The following CASP4 variants were observed in gnomAD, a reference collection of about 807,000 sequenced individuals.
CASP4 encodes caspase 4, also known as caspase-4.
Under a neutral mutation model 41.3 loss-of-function variants are expected in CASP4, and 29 were observed. The observed-to-expected ratio is 0.70, with a 90% CI of 0.52 to 0.96. The LOEUF (loss-of-function observed/expected upper bound fraction) is 0.96, where lower values mean the gene tolerates loss of function less well. Among genes scored for constraint, CASP4 ranks in the 40% least tolerant of loss-of-function variants. CASP4 has a pLI of 0.00. For missense variants in CASP4, 447 were observed against 460.6 expected (o/e 0.97, Z 0.27); for synonymous variants, 185 against 158.4 (o/e 1.17, Z -1.26).
chr11:104,962,521 G>A (rs1860884235), intron 1 of CASP4, among the ~76,000 whole-genome samples: 1 of 152,164 alleles, frequency 6.6e-6, no homozygotes, highest in East Asian at 1.9e-4. Context: ...CATGGGTTTA[G>A]GACCCCTATA....
Position 104,944,797 on chromosome 11 carries a change from G to A in CASP4, c.1090C>T (p.Arg364Ter), listed in dbSNP as rs1219592466. Reference protein sequence around the residue: ...RAKAQMPTIERLSMTRYFYLF... With the variant: ...RAKAQMPTIE The stretch of plus-strand genomic sequence containing the variant: ...TAGAAATATCTTGTCATGGACAGTC[G>A]TTCTATGGTGGGCATTTGAGCTTTG... Residue 364 changes from arginine (R) to a stop codon, truncating the protein, a stop_gained, in exon 8 of 9, where the codon CGA (arginine) becomes TGA (stop). Coordinates refer to ENST00000444739, the MANE Select transcript of CASP4 (RefSeq NM_001225.4). LOFTEE classifies it high-confidence loss of function. The A allele has an allele frequency of 4.2e-5, 68 of 1,613,370 alleles. No individual in the cohort carries two copies. Among genetic ancestry groups the A allele is most frequent in the Non-Finnish European group, 5.3e-5 (63 of 1,179,560 alleles).
intron 1 of CASP4, among the ~76,000 whole-genome samples, chr11:104,960,534 A>C (rs1446410779): frequency 6.6e-6 from 1 of 152,084 alleles, no homozygotes; most frequent in African/African-American, 2.4e-5. Context: ...CAGTGGTGCT[A>C]TCTTGGCTCA....
At chr11:104,946,561 C>T (rs1190134503) in intron 7 of CASP4, 1 of 152,152 alleles carries the variant, frequency 6.6e-6, no homozygotes, top group Admixed American at 6.5e-5. Flanking sequence ...TTTCCTTCTG[C>T]ACTTTTTTAT....
intron 1 of CASP4, among the ~76,000 whole-genome samples, chr11:104,961,410 G>A (rs1860855796): frequency 6.6e-6 from 1 of 152,120 alleles, no homozygotes; most frequent in African/African-American, 2.4e-5. Context: ...CCATTGCAGG[G>A]TGTTAGGATT....
intron 2 of CASP4, 37 bp from the exon 3 acceptor site, chr11:104,952,042 C>T: frequency 8.0e-7 from 1 of 1,250,818 alleles, no homozygotes; most frequent in Non-Finnish European, 1.2e-6. Flanking sequence ...GTGATTTCTG[C>T]CTCTGTGACC....
At position 104,954,832 on chromosome 11, in the gene CASP4, G is replaced by C; in HGVS notation, c.177C>G (p.Asp59Glu). 6.2e-7 allele frequency: 1 copy of C among 1,613,808 alleles called. No individual in the cohort carries two copies. Among genetic ancestry groups the C allele is most frequent in the Non-Finnish European group, 8.5e-7 (1 of 1,179,780 alleles). Reference sequence around the variant, plus strand: ...CCATACGTTGCTTCTCTTGCATAGAGTCTGCCATGACCCGAACTTTGTCTT... The same window carrying C: ...CCATACGTTGCTTCTCTTGCATAGACTCTGCCATGACCCGAACTTTGTCTT... ...KTEDKVRVMA[D>E]SMQEKQRMAG... Residue 59 changes from aspartate (D) to glutamate (E), a missense_variant, in exon 2 of 9, where the codon GAC becomes GAG. Asp to Glu is a conservative substitution (Grantham distance 45, BLOSUM62 2). Coordinates refer to ENST00000444739, the MANE Select transcript of CASP4 (RefSeq NM_001225.4).
Position 104,951,992 on chromosome 11 carries a change from CATAT to C in CASP4, c.272_275del (p.Asn91ArgfsTer24). The C allele has an allele frequency of 6.2e-7, 1 of 1,609,072 alleles. No individual in the cohort carries two copies. Among genetic ancestry groups the C allele is most frequent in the Non-Finnish European group, 8.5e-7 (1 of 1,176,140 alleles). ...CTCCTGACTCAGGTGGTCCAGCCTC[CATAT>C]TCGGATGAGCTGCAGGATATTGCAG... is the stretch of plus-strand genomic sequence containing the variant. On this transcript the variant is annotated frameshift_variant, in exon 3 of 9. Coordinates refer to ENST00000444739, the MANE Select transcript of CASP4 (RefSeq NM_001225.4). LOFTEE classifies it high-confidence loss of function.
At chr11:104,961,668 A>G (rs2134656345) in intron 1 of CASP4, among the ~76,000 whole-genome samples, 1 of 152,276 alleles carries the variant, frequency 6.6e-6, no homozygotes, top group South Asian at 2.1e-4. Flanking sequence ...CAGACAGAGA[A>G]TAGGAGGATA....
At chr11:104,950,904 T>C in intron 4 of CASP4, 21 bp downstream of exon 4, 1 of 1,606,442 alleles carries the variant, frequency 6.2e-7, no homozygotes, top group East Asian at 2.2e-5. Flanking sequence ...TATGTGTTTG[T>C]GGCGGCTGAG....
intron 1 of CASP4, among the ~76,000 whole-genome samples, chr11:104,968,304 A>C (rs1861019402): frequency 6.6e-6 from 1 of 152,202 alleles, no homozygotes; most frequent in Non-Finnish European, 1.5e-5. Flanking sequence ...GAAAGGAATT[A>C]ACTTCTTTCT....
intron 7 of CASP4, among the ~76,000 whole-genome samples, chr11:104,946,027 G>GT (rs1860450491): frequency 6.6e-6 from 1 of 151,808 alleles, no homozygotes; most frequent in Non-Finnish European, 1.5e-5. Context: ...TGTATTTTTT[G>GT]TAGAGATGGG....
At position 104,942,982 on chromosome 11, in the gene CASP4, G is replaced by T; in HGVS notation, c.*6-9C>A. Reference sequence around the variant, plus strand: ...GGGCTGCTTGTGGCTTCCTGCAGGGGAGAGAAAAAACAGAAGGTCAAGATG... The same window carrying T: ...GGGCTGCTTGTGGCTTCCTGCAGGGTAGAGAAAAAACAGAAGGTCAAGATG... On this transcript the variant is annotated splice_polypyrimidine_tract_variant and intron_variant, in intron 8 of 8. Coordinates refer to ENST00000444739, the MANE Select transcript of CASP4 (RefSeq NM_001225.4). 2.2e-6 allele frequency: 1 copy of T among 454,808 alleles called. No homozygotes were observed. The highest frequency in any genetic ancestry group is 1.6e-5 in the South Asian group (1 of 64,488). The allele number at this position is 454,808 out of a possible 1,614,324, so 28.2% of individuals were successfully genotyped here.
intron 7 of CASP4, 30 bp downstream of exon 7, chr11:104,947,049 GAAAT>G (rs1160976298): frequency 2.2e-6 from 3 of 1,384,296 alleles, no homozygotes; most frequent in South Asian, 2.4e-5. Flanking sequence ...TCTTCCTGAA[GAAAT>G]AAATGAGTAA....
intron 4 of CASP4, 93 bp downstream of exon 4, chr11:104,950,829 GGTT>G: frequency 1.8e-6 from 1 of 552,390 alleles, no homozygotes; most frequent in Non-Finnish European, 2.9e-6. Context: ...CACACCCAAA[GGTT>G]GTTAAACCTT....
chr11:104,954,566 T>C (rs1860689236), intron 2 of CASP4, among the ~76,000 whole-genome samples, 181 bp downstream of exon 2: 3 of 152,142 alleles, frequency 2.0e-5, no homozygotes, highest in Admixed American at 1.3e-4. Context: ...TTTTAGCTGA[T>C]TGTAAACTGG....
At chr11:104,952,725 T>C (rs1411061420) in intron 2 of CASP4, among the ~76,000 whole-genome samples, 1 of 152,196 alleles carries the variant, frequency 6.6e-6, no homozygotes, top group Non-Finnish European at 1.5e-5. Context: ...TTTTTAATGA[T>C]TCTAGAAGAA....
chr11:104,964,232 C>T (rs949021162), intron 1 of CASP4, among the ~76,000 whole-genome samples: 4 of 152,116 alleles, frequency 2.6e-5, no homozygotes, highest in African/African-American at 9.7e-5. Context: ...ACTCTGAGTG[C>T]AGGTCTCAGA....
In CASP4 at chr11:104,954,911, T is replaced by C. The variant is rs145822235; in HGVS notation, c.98A>G (p.Asn33Ser). ...TGVLDNLVEQ[N>S]VLNWKEEEKK... ...TTCCTCTTCCTTCCAGTTCAGTACA[T>C]TTTGTTCCACCAAGTTATCCAAAAC... Residue 33 changes from asparagine to serine, a missense_variant, in exon 2 of 9, where the codon AAT becomes AGT. By Grantham distance (46) the Asn-to-Ser change is conservative (BLOSUM62 1). Transcript: ENST00000444739. 6.8e-6 allele frequency: 11 copies of C among 1,613,650 alleles called. No homozygotes were observed. The highest frequency in any genetic ancestry group is 9.3e-6 in the Non-Finnish European group (11 of 1,179,792).
intron 7 of CASP4, 65 bp downstream of exon 7, chr11:104,947,017 TA>T: frequency 8.6e-7 from 1 of 1,157,198 alleles, no homozygotes; most frequent in Non-Finnish European, 1.3e-6. Flanking sequence ...CATTGTGAAG[TA>T]AAAAGTGAAT....
Sources: gnomAD v4.1 joint callset for allele counts (sites outside exome capture counted in the v4.1 genomes callset) on GRCh38, gnomAD v4.1.1 for gene constraint, MANE v1.5 for transcripts, NCBI Gene and HGNC (gene_info 2026-07-23, HGNC 2026-07-21) for gene names.